Variants in DNMBP observed in about 807,000 individuals in gnomAD.
DNMBP encodes the protein dynamin-binding protein.
Under a neutral mutation model 150.0 loss-of-function variants are expected in DNMBP, and 87 were observed. The ratio of observed to expected loss-of-function variants is 0.58; its 90% confidence interval spans 0.49 to 0.69. The LOEUF (loss-of-function observed/expected upper bound fraction) is 0.69. Ranked by LOEUF, DNMBP falls within the 30% of genes least tolerant of loss-of-function variation. The probability of loss-of-function intolerance (pLI) is 0.00; values close to 1 mark genes in which losing one functional copy is unlikely to be tolerated. For synonymous variants in DNMBP, 711 were observed against 750.4 expected (o/e 0.95, Z 0.86); for missense variants, 1,774 against 1,949.0 (o/e 0.91, Z 1.69).
At chr10:99,894,636 T>C (rs998799758) in intron 11 of DNMBP, among the ~76,000 whole-genome samples, 7 of 152,206 alleles carry the variant, frequency 4.6e-5, no homozygotes, top group Admixed American at 3.9e-4. Context: ...AATATTTGAT[T>C]TTCAAACTGG....
intron 4 of DNMBP, among the ~76,000 whole-genome samples, chr10:99,937,984 G>A (rs1331831479): frequency 6.6e-6 from 1 of 152,184 alleles, no homozygotes; most frequent in African/African-American, 2.4e-5. Flanking sequence ...CCAGTTTTCA[G>A]GTATGATTAC....
At chr10:99,885,639 C>T in intron 14 of DNMBP, 48 bp downstream of exon 14, 1 of 1,509,516 alleles carries the variant, frequency 6.6e-7, no homozygotes, top group Non-Finnish European at 8.9e-7. Context: ...TGCAGGGTTC[C>T]CCCTCTTTAC....
chr10:99,934,476 GA>G (rs2040202138), intron 4 of DNMBP, among the ~76,000 whole-genome samples: 1 of 140,066 alleles, frequency 7.1e-6, no homozygotes, highest in East Asian at 2.0e-4. Flanking sequence ...GTTGTGACTG[GA>G]TAATCATGAA....
At chr10:99,921,045 G>C (rs1449188967) in intron 4 of DNMBP, among the ~76,000 whole-genome samples, 6 of 152,096 alleles carry the variant, frequency 3.9e-5, no homozygotes, top group Admixed American at 3.3e-4. Context: ...CTTCTAACCA[G>C]TTCCGCAAGG....
intron 4 of DNMBP, among the ~76,000 whole-genome samples, chr10:99,953,142 A>C (rs1181807127): frequency 1.3e-5 from 2 of 152,242 alleles, no homozygotes; most frequent in East Asian, 3.8e-4. Flanking sequence ...TCCCAAATTA[A>C]GGGAAATAAT....
Position 99,886,359 on chromosome 10 carries a change from C to A in DNMBP, c.3559G>T (p.Ala1187Ser). 1.9e-6 allele frequency: 3 copies of A among 1,614,152 alleles called. No homozygotes were observed. Among genetic ancestry groups the A allele is most frequent in the African/African-American group, 2.7e-5 (2 of 75,046 alleles). The change falls in exon 13 of 17, where the codon GCT (alanine) becomes TCT (serine). Residue 1187 changes from alanine to serine, a missense_variant. By Grantham distance (99) the Ala-to-Ser change is moderately conservative (BLOSUM62 1). Coordinates refer to ENST00000324109, the MANE Select transcript of DNMBP (RefSeq NM_015221.4). ...GLFTNCVHGY[A>S]EAHCDFVHQA... ...TGCACAAAGTCACAGTGGGCTTCAGCATAGCCGTGGACACAGTTGGTGAAG... is the reference window on the plus strand; with the variant it reads ...TGCACAAAGTCACAGTGGGCTTCAGAATAGCCGTGGACACAGTTGGTGAAG...
At chr10:99,915,048 CGT>C (rs2133256500) in intron 4 of DNMBP, among the ~76,000 whole-genome samples, 1 of 143,006 alleles carries the variant, frequency 7.0e-6, no homozygotes, top group East Asian at 2.0e-4. Flanking sequence ...GAGCCGAGAT[CGT>C]ACCATTGCAC....
chr10:99,956,169 C>A lies in DNMBP; in HGVS notation c.1305G>T (p.Gly435=), dbSNP rs1271583704. Residue 435 remains glycine (G), a synonymous_variant, in exon 4 of 17, where the codon GGG becomes GGT. Transcript: ENST00000324109. Reference sequence around the variant, plus strand: ...GGTACTGTTCTGAGTGCGGGTGGCTCCCTCCCACTGTAGAATAATACTGGC... The same window carrying A: ...GGTACTGTTCTGAGTGCGGGTGGCTACCTCCCACTGTAGAATAATACTGGC... The part of the protein sequence containing the change: ...QKSQYYSTVG[G]SHPHSEQYPD... 2.5e-6 allele frequency: 4 copies of A among 1,613,888 alleles called. No individual in the cohort carries two copies. The African/African-American group carries it at 5.3e-5, about 22-fold the overall frequency.
intron 3 of DNMBP, among the ~76,000 whole-genome samples, chr10:99,965,750 G>A (rs974504361): frequency 9.2e-5 from 14 of 152,094 alleles, no homozygotes; most frequent in African/African-American, 2.9e-4. Flanking sequence ...ACCCGCCTAG[G>A]CCTCCCAAAG....
At chr10:99,908,832 C>A in intron 5 of DNMBP, 121 bp downstream of exon 5, 1 of 915,026 alleles carries the variant, frequency 1.1e-6, no homozygotes, top group South Asian at 1.7e-5. Flanking sequence ...AGCAGCAGCA[C>A]TCACAGTCAC....
chr10:99,938,777 A>G (rs1348072512), intron 4 of DNMBP, among the ~76,000 whole-genome samples: 3 of 152,220 alleles, frequency 2.0e-5, no homozygotes, highest in Non-Finnish European at 2.9e-5. Context: ...GTACAGAGAA[A>G]GTGGCCGAGG....
intron 4 of DNMBP, among the ~76,000 whole-genome samples, chr10:99,945,480 G>A (rs2040346616): frequency 1.3e-5 from 2 of 152,160 alleles, no homozygotes; most frequent in South Asian, 4.1e-4. Context: ...CCCGTGTGTT[G>A]CCAACAGTGA....
Position 99,955,705 on chromosome 10 carries a change from C to A in DNMBP, c.1769G>T (p.Arg590Leu). 6.2e-7 allele frequency: 1 copy of A among 1,614,218 alleles called. No homozygotes were observed. The highest frequency in any genetic ancestry group is 8.5e-7 in the Non-Finnish European group (1 of 1,180,046). ...CTCGGTGATTAACTTTGAGGAACCT[C>A]GGACAATATCCTTCTCAGAGTTAAA... is the stretch of plus-strand genomic sequence containing the variant. ...MDFNSEKDIVRGSSKLITEQE... is the reference protein window; with the variant it reads ...MDFNSEKDIVLGSSKLITEQE... Residue 590 changes from arginine to leucine, a missense_variant, in exon 4 of 17, where the codon CGA becomes CTA. By Grantham distance (102) the Arg-to-Leu change is moderately radical. This residue lies in a region of DNMBP where 1,430 missense variants were observed against 1,492.5 expected (regional missense o/e 0.96). Coordinates refer to ENST00000324109, the MANE Select transcript of DNMBP (RefSeq NM_015221.4).
intron 4 of DNMBP, among the ~76,000 whole-genome samples, chr10:99,915,429 G>C (rs1043863028): frequency 3.3e-5 from 5 of 151,560 alleles, no homozygotes; most frequent in African/African-American, 1.2e-4. Flanking sequence ...CATACTGGCT[G>C]AGCACAGTGG....
chr10:99,898,441 C>A, intron 8 of DNMBP, 156 bp from the exon 9 acceptor site: 1 of 717,868 alleles, frequency 1.4e-6, no homozygotes, highest in Non-Finnish European at 2.4e-6. Context: ...GCTCTCTATT[C>A]TTTTACCCTA....
At chr10:99,909,930 A>ATC (rs2039879938) in intron 4 of DNMBP, among the ~76,000 whole-genome samples, 1 of 152,228 alleles carries the variant, frequency 6.6e-6, no homozygotes, top group Non-Finnish European at 1.5e-5. Context: ...ACTTAGATAC[A>ATC]CAGGATGAGA....
chr10:99,966,757 G>A (rs780127515), intron 3 of DNMBP, among the ~76,000 whole-genome samples: 3 of 152,102 alleles, frequency 2.0e-5, no homozygotes, highest in South Asian at 2.1e-4. Flanking sequence ...ACAACAGAGC[G>A]TGGTGGCGTT....
At chr10:99,918,128 T>C (rs957317202) in intron 4 of DNMBP, among the ~76,000 whole-genome samples, 3 of 152,088 alleles carry the variant, frequency 2.0e-5, no homozygotes, top group African/African-American at 7.2e-5. Flanking sequence ...CACGTGCTCA[T>C]CTTCTCCCCA....
At position 99,886,292 on chromosome 10, in the gene DNMBP, A is replaced by G. The variant is rs1183707019; in HGVS notation, c.3618+8T>C. 1 of 1,608,148 alleles carries G rather than the reference A, an allele frequency of 6.2e-7. No individual in the cohort carries two copies. Among genetic ancestry groups the G allele is most frequent in the Non-Finnish European group, 8.5e-7 (1 of 1,175,396 alleles). On this transcript the variant is annotated splice_region_variant and intron_variant, in intron 13 of 16. Transcript: ENST00000324109. ...ATGACCATCCCACTGAACAGGTAAG[A>G]AACTCACCGAAAGCAGTGGCTTTAA...
Sources: allele counts gnomAD v4.1 joint callset (sites outside exome capture counted in the v4.1 genomes callset), GRCh38; gene constraint gnomAD v4.1.1; regional missense constraint gnomAD v4.1.1; transcripts MANE v1.5; gene names NCBI Gene and HGNC (gene_info 2026-07-23, HGNC 2026-07-21).